The following PARP15 variants were observed in gnomAD, a reference collection of about 807,000 sequenced individuals.
The protein encoded by PARP15 is poly(ADP-ribose) polymerase family member 15.
Under a neutral mutation model 62.1 loss-of-function variants are expected in PARP15, and 50 were observed. The observed-to-expected ratio is 0.81, with a 90% CI of 0.64 to 1.02. PARP15 has a LOEUF of 1.02. Ranked by LOEUF, PARP15 falls within the 50% of genes least tolerant of loss-of-function variation. The pLI is 0.00. For synonymous variants in PARP15, 309 were observed against 293.1 expected (o/e 1.05, Z -0.55); for missense variants, 820 against 826.5 (o/e 0.99, Z 0.10).
At position 122,638,644 on chromosome 3, in the gene PARP15, G is replaced by A. The variant is rs1560015075; in HGVS notation, c.*2544G>A. 1 of 152,134 alleles carries A rather than the reference G, an allele frequency of 6.6e-6. No homozygotes were observed. Among genetic ancestry groups the A allele is most frequent in the African/African-American group, 2.4e-5 (1 of 41,418 alleles). 9.4% of individuals were successfully genotyped at this position (152,134 alleles called of 1,614,324 possible). On this transcript the variant is annotated 3_prime_UTR_variant, in exon 12 of 12. Transcript: ENST00000464300. ...TATCCTTTGCCCACTTTTTGATGGG[G>A]TTCTTTGTTTTTTTCTTGTATATTT...
rs1212860251 is a variant in PARP15, at chr3:122,613,162, T to C, written c.665T>C (p.Leu222Pro). ...TTTCCCAAAGCTGTTTTTGCTAAAC[T>C]AATCCTTTCAGAAGTGTTCGAATAC... ...LQFPKAVFAK[L>P]ILSEVFEYSS... Residue 222 changes from leucine to proline, a missense_variant, in exon 4 of 12, where the codon CTA (leucine) becomes CCA (proline). Leu to Pro is a moderately conservative substitution (Grantham distance 98, BLOSUM62 -3). Coordinates refer to ENST00000464300, the MANE Select transcript of PARP15 (RefSeq NM_001113523.3). The C allele has an allele frequency of 6.4e-7, 1 of 1,551,760 alleles. No individual in the cohort carries two copies. Among genetic ancestry groups the C allele is most frequent in the Non-Finnish European group, 8.7e-7 (1 of 1,146,946 alleles).
chr3:122,603,188 G>C (rs1934928535), intron 1 of PARP15, among the ~76,000 whole-genome samples: 1 of 152,110 alleles, frequency 6.6e-6, no homozygotes, highest in Non-Finnish European at 1.5e-5. Flanking sequence ...CACCACTCCT[G>C]GTGGCCCTGG....
intron 2 of PARP15, among the ~76,000 whole-genome samples, chr3:122,608,505 C>G (rs1438372912): frequency 6.6e-6 from 1 of 152,026 alleles, no homozygotes; most frequent in Non-Finnish European, 1.5e-5. Context: ...CATGAGCCAC[C>G]ACACCCGGCC....
At chr3:122,622,363 C>G (rs1169630575) in intron 8 of PARP15, among the ~76,000 whole-genome samples, 2 of 152,194 alleles carry the variant, frequency 1.3e-5, no homozygotes, top group African/African-American at 2.4e-5. Flanking sequence ...AGCTCCTGGG[C>G]TTTCTCGTTT....
chr3:122,591,457 C>T (rs7643754), intron 1 of PARP15, among the ~76,000 whole-genome samples: 127,235 of 152,160 alleles, frequency 0.84, 53,325 homozygotes, highest in East Asian at 0.91. Flanking sequence ...ACATTAAAGT[C>T]GTCACTTTTC....
chr3:122,599,532 C>G (rs1418053410), intron 1 of PARP15, among the ~76,000 whole-genome samples: 21 of 148,900 alleles, frequency 1.4e-4, no homozygotes, highest in African/African-American at 5.2e-4. Context: ...TCTTTTCTTT[C>G]CTTTCCTTTC....
At chr3:122,631,767 G>A (rs7614646) in intron 9 of PARP15, among the ~76,000 whole-genome samples, 26,626 of 152,164 alleles carry the variant, frequency 0.17, 2,904 homozygotes, top group Non-Finnish European at 0.24. Context: ...TAGCATTCAT[G>A]TTTACATATT....
Position 122,621,516 on chromosome 3 carries a change from C to T in PARP15, c.1136C>T (p.Pro379Leu). Residue 379 changes from proline (P) to leucine (L), a missense_variant, in exon 8 of 12, where the codon CCT (proline) becomes CTT (leucine). Physicochemically the swap from Pro to Leu is moderately conservative, Grantham distance 98. Transcript: ENST00000464300. ...AAGTGCAAAATAATAATTCATGTTC[C>T]TGGGGGAAAAGATGTCAGGAAAACG... ...CLKCKIIIHV[P>L]GGKDVRKTVT... is the part of the protein sequence containing the mutation. 5 of 1,613,872 alleles carry T rather than the reference C, an allele frequency of 3.1e-6. No homozygotes were observed. Among genetic ancestry groups the T allele is most frequent in the Non-Finnish European group, 4.2e-6 (5 of 1,179,902 alleles).
intron 1 of PARP15, chr3:122,594,650 T>C: frequency 2.2e-6 from 2 of 917,772 alleles, no homozygotes; most frequent in Non-Finnish European, 2.6e-6. Context: ...AATTTTAATT[T>C]GTGGTTATCG....
Position 122,619,795 on chromosome 3 carries a change from AT to A in PARP15, c.1019del (p.Leu340Ter). On this transcript the variant is annotated frameshift_variant, in exon 7 of 12. Transcript: ENST00000464300. LOFTEE classifies it high-confidence loss of function. Reference sequence around the variant, plus strand: ...GTCTTATTTAGGTGTGTCAAGAGCTATTTTAGAAGGTGCTGGACAAGCTGTG... The same window carrying A: ...GTCTTATTTAGGTGTGTCAAGAGCTATTTAGAAGGTGCTGGACAAGCTGTG... ...FNRKSGVSRAILEGAGQAVES... is the reference protein window; with the variant it reads ...FNRKSGVSRAXLEGAGQAVES... 1.2e-6 allele frequency: 2 copies of A among 1,613,126 alleles called. No individual in the cohort carries two copies. Among genetic ancestry groups the A allele is most frequent in the Non-Finnish European group, 1.7e-6 (2 of 1,179,064 alleles).
At chr3:122,610,472 A>G (rs1463285467) in intron 2 of PARP15, 22 bp from the exon 3 acceptor site, 1 of 1,527,424 alleles carries the variant, frequency 6.5e-7, no homozygotes, top group Non-Finnish European at 8.9e-7. Context: ...TTCAATCTCT[A>G]ACTGTTGCTA....
chr3:122,635,725 A>G, intron 11 of PARP15, 86 bp from the exon 12 acceptor site: 1 of 1,458,044 alleles, frequency 6.9e-7, no homozygotes, highest in Non-Finnish European at 9.2e-7. Flanking sequence ...AACTGCATTT[A>G]GAAAACAATT....
At chr3:122,621,699 C>G (rs1032067311) in intron 8 of PARP15, 88 bp downstream of exon 8, 8 of 1,215,816 alleles carry the variant, frequency 6.6e-6, no homozygotes, top group Middle Eastern at 2.1e-4. Context: ...AGTGCTGAAT[C>G]CATCTGAAAG....
At chr3:122,579,960 C>A (rs2080763158) in intron 1 of PARP15, among the ~76,000 whole-genome samples, 1 of 140,800 alleles carries the variant, frequency 7.1e-6, no homozygotes, top group Non-Finnish European at 1.5e-5. Context: ...GCCTGGGTGA[C>A]AGAGCAAGAC....
At chr3:122,623,427 G>C (rs1936477789) in intron 8 of PARP15, among the ~76,000 whole-genome samples, 1 of 152,184 alleles carries the variant, frequency 6.6e-6, no homozygotes, top group Non-Finnish European at 1.5e-5. Flanking sequence ...CACATAGTGG[G>C]AAGGGTTGCA....
intron 6 of PARP15, among the ~76,000 whole-genome samples, chr3:122,619,119 C>T (rs1174777989): frequency 1.3e-5 from 2 of 152,174 alleles, no homozygotes; most frequent in African/African-American, 4.8e-5. Flanking sequence ...AAGCATTTTT[C>T]ATCCATTATC....
At chr3:122,635,263 C>T in intron 11 of PARP15, 69 bp downstream of exon 11, 1 of 1,418,836 alleles carries the variant, frequency 7.0e-7, no homozygotes, top group East Asian at 2.4e-5. Context: ...CATACCCAAG[C>T]AGTGTGGAAC....
chr3:122,612,163 C>T (rs1935615699), intron 3 of PARP15, among the ~76,000 whole-genome samples: 1 of 151,930 alleles, frequency 6.6e-6, no homozygotes, highest in African/African-American at 2.4e-5. Flanking sequence ...TCAGGTGATC[C>T]TCCTACCTCA....
At chr3:122,580,626 G>A (rs923713158) in intron 1 of PARP15, among the ~76,000 whole-genome samples, 2 of 152,182 alleles carry the variant, frequency 1.3e-5, no homozygotes, top group Non-Finnish European at 2.9e-5. Flanking sequence ...TTTTGGGACT[G>A]ACATTTCACT....
Sources: gnomAD v4.1 joint callset for allele counts (sites outside exome capture counted in the v4.1 genomes callset) on GRCh38, gnomAD v4.1.1 for gene constraint, MANE v1.5 for transcripts, NCBI Gene and HGNC (gene_info 2026-07-23, HGNC 2026-07-21) for gene names.